The following WWC2 variants were observed in gnomAD, a reference collection of about 807,000 sequenced individuals.
The protein encoded by WWC2 is protein WWC2.
Under a neutral mutation model 138.5 loss-of-function variants are expected in WWC2, and 101 were observed. The observed-to-expected ratio is 0.73, with a 90% CI of 0.62 to 0.86. The LOEUF (loss-of-function observed/expected upper bound fraction) is 0.86. Among genes scored for constraint, WWC2 ranks in the 40% least tolerant of loss-of-function variants. The pLI is 0.00. For missense variants in WWC2, 1,420 were observed against 1,419.4 expected (o/e 1.00, Z -0.01); for synonymous variants, 558 against 538.4 (o/e 1.04, Z -0.50).
intron 9 of WWC2, among the ~76,000 whole-genome samples, chr4:183,257,908 G>A (rs182137926): frequency 3.3e-5 from 5 of 152,282 alleles, no homozygotes; most frequent in East Asian, 1.9e-4. Flanking sequence ...AGTGGGAAAC[G>A]TGAACAAGAA....
chr4:183,208,575 A>C (rs773158363), intron 3 of WWC2, among the ~76,000 whole-genome samples: 3 of 152,154 alleles, frequency 2.0e-5, no homozygotes, highest in East Asian at 1.9e-4. Flanking sequence ...CAGATTGACT[A>C]TTTGGAGCTG....
rs144377519 is a variant in WWC2, at chr4:183,212,614, A to G, written c.522+3589A>G. On this transcript the variant is annotated intron_variant, in intron 4 of 22. Coordinates refer to ENST00000403733, the MANE Select transcript of WWC2 (RefSeq NM_024949.6). ...TTTTCATAGTTCTTATCCTTGCAAG[A>G]CACACTGTAAATGGAATAACCACAA... is the stretch of plus-strand genomic sequence containing the variant. Among the ~76,000 whole-genome samples, 575 of 152,342 alleles carry G rather than the reference A, an allele frequency of 3.8e-3. 6 individuals are homozygous for G. The highest frequency in any genetic ancestry group is 0.013 in the African/African-American group (539 of 41,582).
intron 4 of WWC2, among the ~76,000 whole-genome samples, chr4:183,237,460 A>G (rs1736462550): frequency 6.6e-6 from 1 of 152,168 alleles, no homozygotes; most frequent in Admixed American, 6.5e-5. Flanking sequence ...TTTTTGTGAT[A>G]TACTGCGAAT....
At chr4:183,306,887 A>AAAAAAAAAAAAC (rs1476713213) in intron 21 of WWC2, among the ~76,000 whole-genome samples, 8 of 151,488 alleles carry the variant, frequency 5.3e-5, no homozygotes, top group African/African-American at 1.9e-4. Flanking sequence ...GAGGCAAAAA[A>AAAAAAAAAAAAC]AAAAAAAAAA....
chr4:183,231,284 T>G (rs1480452711), intron 4 of WWC2, among the ~76,000 whole-genome samples: 1 of 142,750 alleles, frequency 7.0e-6, no homozygotes, highest in South Asian at 2.3e-4. Flanking sequence ...TTTTTTTTTT[T>G]TTTGAGACAG....
chr4:183,290,969 G>C (rs1323675160), intron 21 of WWC2, among the ~76,000 whole-genome samples: 3 of 152,214 alleles, frequency 2.0e-5, no homozygotes, highest in Non-Finnish European at 4.4e-5. Flanking sequence ...ACTGACACCA[G>C]TAATAAAACT....
At chr4:183,311,751 A>G (rs1739251904) in intron 21 of WWC2, among the ~76,000 whole-genome samples, 1 of 151,390 alleles carries the variant, frequency 6.6e-6, no homozygotes, top group African/African-American at 2.4e-5. Context: ...TAATTTTTTT[A>G]TATTTTTAGT....
At chr4:183,244,007 A>G (rs1736694558) in intron 5 of WWC2, among the ~76,000 whole-genome samples, 2 of 151,798 alleles carry the variant, frequency 1.3e-5, no homozygotes, top group African/African-American at 2.4e-5. Context: ...GCATTGCTTT[A>G]TTTTTTTTCA....
intron 1 of WWC2, among the ~76,000 whole-genome samples, chr4:183,184,236 C>T (rs1734729746): frequency 6.6e-6 from 1 of 152,178 alleles, no homozygotes; most frequent in Non-Finnish European, 1.5e-5. Context: ...CCATATGTGA[C>T]ATTTTGTGCC....
chr4:183,178,202 C>A (rs1201167573), intron 1 of WWC2, among the ~76,000 whole-genome samples: 1 of 151,986 alleles, frequency 6.6e-6, no homozygotes, highest in South Asian at 2.1e-4. Context: ...TTGTGAAATT[C>A]ATTTATTTTG....
intron 14 of WWC2, among the ~76,000 whole-genome samples, chr4:183,267,136 C>T (rs956946524): frequency 4.0e-5 from 6 of 151,536 alleles, no homozygotes; most frequent in East Asian, 1.9e-4. Flanking sequence ...GGATTACAGG[C>T]GTGAGCCACC....
chr4:183,281,087 A>G, intron 17 of WWC2, 190 bp downstream of exon 17: 4 of 726,632 alleles, frequency 5.5e-6, no homozygotes, highest in Non-Finnish European at 8.1e-6. Context: ...GATTATGGGC[A>G]AAGTTAAAAC....
intron 1 of WWC2, among the ~76,000 whole-genome samples, chr4:183,168,092 G>C (rs1185128383): frequency 2.0e-5 from 3 of 151,636 alleles, no homozygotes; most frequent in African/African-American, 7.3e-5. Flanking sequence ...TCCTGACCTC[G>C]TGATCTGTCC....
chr4:183,292,145 G>A (rs1016943530), intron 21 of WWC2, among the ~76,000 whole-genome samples: 25 of 152,108 alleles, frequency 1.6e-4, no homozygotes, highest in Non-Finnish European at 2.9e-4. Flanking sequence ...GCAGTGAGCT[G>A]TGATTGCACC....
At chr4:183,310,824 G>A (rs1739187839) in intron 21 of WWC2, among the ~76,000 whole-genome samples, 1 of 106,232 alleles carries the variant, frequency 9.4e-6, no homozygotes, top group African/African-American at 3.6e-5. Flanking sequence ...ACAGAGCCTG[G>A]CATATTGTAA....
At chr4:183,128,165 C>G (rs952222841) in intron 1 of WWC2, among the ~76,000 whole-genome samples, 6 of 151,940 alleles carry the variant, frequency 3.9e-5, no homozygotes, top group Admixed American at 2.6e-4. Context: ...ATGGTGAAAC[C>G]CCCTCTCTAC....
At chr4:183,212,931 CT>C (rs2111249103) in intron 4 of WWC2, among the ~76,000 whole-genome samples, 1 of 152,212 alleles carries the variant, frequency 6.6e-6, no homozygotes, top group Admixed American at 6.5e-5. Context: ...TATTTATCAC[CT>C]TGTGACCACA....
At chr4:183,126,573 A>T (rs1418445403) in intron 1 of WWC2, among the ~76,000 whole-genome samples, 2 of 152,182 alleles carry the variant, frequency 1.3e-5, no homozygotes, top group Non-Finnish European at 2.9e-5. Context: ...ATCAAGTGGC[A>T]GCAGAGTTTC....
intron 21 of WWC2, among the ~76,000 whole-genome samples, chr4:183,304,373 C>T (rs1237093580): frequency 1.3e-5 from 2 of 152,132 alleles, no homozygotes; most frequent in African/African-American, 2.4e-5. Context: ...CATGAGAAGT[C>T]GGGGGCTCTC....
Sources: gnomAD v4.1 joint callset for allele counts (sites outside exome capture counted in the v4.1 genomes callset) on GRCh38, gnomAD v4.1.1 for gene constraint, MANE v1.5 for transcripts, NCBI Gene and HGNC (gene_info 2026-07-23, HGNC 2026-07-21) for gene names.